PTPRN: variants seen among roughly 807,000 people sequenced by gnomAD.
PTPRN encodes the protein receptor-type tyrosine-protein phosphatase-like N.
Under a neutral mutation model 108.5 loss-of-function variants are expected in PTPRN, and 70 were observed. The observed-to-expected ratio is 0.65, with a 90% CI of 0.53 to 0.79. The LOEUF (loss-of-function observed/expected upper bound fraction) is 0.79, where lower values mean the gene tolerates loss of function less well. Among genes scored for constraint, PTPRN ranks in the 30% least tolerant of loss-of-function variants. The pLI is 0.00. For synonymous variants in PTPRN, 496 were observed against 524.6 expected (o/e 0.95, Z 0.75); for missense variants, 1,136 against 1,295.5 (o/e 0.88, Z 1.89).
chr2:219,291,207 A>G (rs73079150), intron 20 of PTPRN, among the ~76,000 whole-genome samples: 4,368 of 152,252 alleles, frequency 0.029, 219 homozygotes, highest in African/African-American at 0.1. Context: ...GCCTTCAGCC[A>G]GCTTTTTGTG....
At chr2:219,301,796 G>A in intron 6 of PTPRN, 77 bp from the exon 7 acceptor site, 2 of 1,500,334 alleles carry the variant, frequency 1.3e-6, no homozygotes, top group Non-Finnish European at 1.8e-6. Context: ...AGTGAGGGTG[G>A]GAAGGGACTA....
intron 19 of PTPRN, chr2:219,292,282 C>A (rs1952070593): frequency 6.6e-6 from 1 of 152,650 alleles, no homozygotes; most frequent in Non-Finnish European, 1.5e-5. Flanking sequence ...AGACCTTTCT[C>A]CACTGCCCCT....
At position 219,290,676 on chromosome 2, in the gene PTPRN, C is replaced by T. The variant is rs1353439360; in HGVS notation, c.2795-65G>A. ...CCAGAGGAGGACAGGACCCAGAAAACCTGAGGCCTCCTGGAGGCAAAGAGC... is the reference window on the plus strand; with the variant it reads ...CCAGAGGAGGACAGGACCCAGAAAATCTGAGGCCTCCTGGAGGCAAAGAGC... On this transcript the variant is annotated intron_variant, in intron 21 of 22. Transcript: ENST00000295718. This position sits in a 1 kb window ranked among gnomAD's most constrained non-coding sequence, Gnocchi z 4.2. The T allele has an allele frequency of 1.3e-6, 2 of 1,492,688 alleles. No homozygotes were observed. The highest frequency in any genetic ancestry group is 2.8e-5 in the African/African-American group (2 of 71,612). The allele number at this position is 1,492,688 out of a possible 1,614,324, so 92.5% of individuals were successfully genotyped here.
intron 3 of PTPRN, chr2:219,304,183 T>C (rs532186089): frequency 1.8e-5 from 3 of 164,028 alleles, no homozygotes; most frequent in Non-Finnish European, 4.0e-5. Flanking sequence ...ACGGTTAGAA[T>C]AGTGCCTGTC....
In PTPRN at chr2:219,309,049, G is replaced by A. The variant is rs1346778312; in HGVS notation, c.115+169C>T. ...TTCCCAGCCCCACCTCCAGGCCTACGCCCCTTTCCTCCGAGACGCCCTCTC... is the reference window on the plus strand; with the variant it reads ...TTCCCAGCCCCACCTCCAGGCCTACACCCCTTTCCTCCGAGACGCCCTCTC... On this transcript the variant is annotated intron_variant, in intron 1 of 22. Transcript: ENST00000295718. 7.0e-6 allele frequency: 10 copies of A among 1,429,588 alleles called. No individual in the cohort carries two copies. The East Asian group carries it at 2.9e-4, about 42-fold the overall frequency. The allele number at this position is 1,429,588 out of a possible 1,614,324, so 88.6% of individuals were successfully genotyped here.
rs760766774 is a variant in PTPRN, at chr2:219,296,367, A to C, written c.2389-22T>G. On this transcript the variant is annotated intron_variant, in intron 17 of 22. Coordinates refer to ENST00000295718, the MANE Select transcript of PTPRN (RefSeq NM_002846.4). The surrounding 1 kb of genome is among the most constrained non-coding windows in gnomAD (Gnocchi z 6.0). ...CCATCTAGGGACAGAGACCCAGTTG[A>C]GCTCCACTCTAACCTCCCTGGGACC... is the stretch of plus-strand genomic sequence containing the variant. 8.7e-6 allele frequency: 14 copies of C among 1,614,086 alleles called. No individual in the cohort carries two copies. Among genetic ancestry groups the C allele is most frequent in the Non-Finnish European group, 1.2e-5 (14 of 1,180,028 alleles).
At position 219,300,123 on chromosome 2, in the gene PTPRN, G is replaced by A. The variant is rs1302772428; in HGVS notation, c.1298C>T (p.Pro433Leu). The change falls in exon 9 of 23, where the codon CCC (proline) becomes CTC (leucine). Residue 433 changes from proline to leucine, a missense_variant. Physicochemically the swap from Pro to Leu is moderately conservative, Grantham distance 98 (BLOSUM62 -3). Coordinates refer to ENST00000295718, the MANE Select transcript of PTPRN (RefSeq NM_002846.4). ...TGTCACAGGGGGTCTGGCAGCTTTGGGAGGCTCAGAGGAGACAGGGCTTGG... is the reference window on the plus strand; with the variant it reads ...TGTCACAGGGGGTCTGGCAGCTTTGAGAGGCTCAGAGGAGACAGGGCTTGG... ...QVPSPVSSEP[P>L]KAARPPVTPV... The A allele has an allele frequency of 8.1e-6, 13 of 1,613,986 alleles. No homozygotes were observed. The highest frequency in any genetic ancestry group is 1.3e-5 in the African/African-American group (1 of 74,920).
At chr2:219,294,293 G>T (rs1952120799) in intron 19 of PTPRN, 33 of 406,030 alleles carry the variant, frequency 8.1e-5, no homozygotes, top group South Asian at 5.7e-4. Context: ...CAGAGCAGCA[G>T]AGAGAAACTG....
At chr2:219,304,200 T>C (rs779181925) in intron 3 of PTPRN, 1 of 158,764 alleles carries the variant, frequency 6.3e-6, no homozygotes, top group Non-Finnish European at 1.4e-5. Flanking sequence ...TGTCATGTAG[T>C]GAACTTTTAA....
chr2:219,293,165 C>CATTTATTTATTT (rs10571864), intron 19 of PTPRN, among the ~76,000 whole-genome samples: 1 of 149,294 alleles, frequency 6.7e-6, no homozygotes, highest in African/African-American at 2.5e-5. Flanking sequence ...GACCAAACTG[C>CATTTATTTATTT]ATTTATTTAT....
intron 11 of PTPRN, 42 bp from the exon 12 acceptor site, chr2:219,299,153 G>A: frequency 6.2e-7 from 1 of 1,612,574 alleles, no homozygotes; most frequent in Non-Finnish European, 8.5e-7. Flanking sequence ...AGCCCCATGT[G>A]GTCTCCATCC....
chr2:219,301,611 G>A lies in PTPRN; in HGVS notation c.1103C>T (p.Pro368Leu). 6.2e-7 allele frequency: 1 copy of A among 1,612,350 alleles called. No individual in the cohort carries two copies. Among genetic ancestry groups the A allele is most frequent in the Non-Finnish European group, 8.5e-7 (1 of 1,178,534 alleles). The stretch of plus-strand genomic sequence containing the variant: ...ACCCGGATTTCTTCCTGCACCCTTG[G>A]GCAGTAGCTGCAGCAGGGTCAGGAG... ...STLLTLLQLL[P>L]KGAGRNPGGV... The change falls in exon 7 of 23, where the codon CCC becomes CTC. Residue 368 changes from proline (P) to leucine (L), a missense_variant. Coordinates refer to ENST00000295718, the MANE Select transcript of PTPRN (RefSeq NM_002846.4).
chr2:219,293,085 C>T (rs928505293), intron 19 of PTPRN, among the ~76,000 whole-genome samples: 7 of 152,126 alleles, frequency 4.6e-5, no homozygotes, highest in African/African-American at 1.7e-4. Flanking sequence ...TGGAGGGAAG[C>T]CAAGGAACTT....
chr2:219,306,818 C>G (rs971690966), intron 3 of PTPRN, among the ~76,000 whole-genome samples: 2 of 152,200 alleles, frequency 1.3e-5, no homozygotes, highest in Non-Finnish European at 2.9e-5. Flanking sequence ...CTTAAAAAGT[C>G]TGTTCAGATT....
Position 219,297,467 on chromosome 2 carries a change from C to T in PTPRN, c.1888-34G>A. The stretch of plus-strand genomic sequence containing the variant: ...GAAGAATCAGGTGAGGTCCAAGAGT[C>T]CCCTGAAACTTTTCAACAGGGCCCT... On this transcript the variant is annotated intron_variant, in intron 13 of 22. Transcript: ENST00000295718. The surrounding 1 kb of genome is among the most constrained non-coding windows in gnomAD (Gnocchi z 6.0). 2 of 1,606,438 alleles carry T rather than the reference C, an allele frequency of 1.2e-6. No homozygotes were observed. Among genetic ancestry groups the T allele is most frequent in the African/African-American group, 2.7e-5 (2 of 74,870 alleles).
Position 219,296,811 on chromosome 2 carries a change from G to T in PTPRN, c.2248C>A (p.Arg750Ser). 1 of 1,613,970 alleles carries T rather than the reference G, an allele frequency of 6.2e-7. No individual in the cohort carries two copies. Among genetic ancestry groups the T allele is most frequent in the Non-Finnish European group, 8.5e-7 (1 of 1,179,972 alleles). The change falls in exon 16 of 23, where the codon CGC (arginine) becomes AGC (serine). Residue 750 changes from arginine (R) to serine (S), a missense_variant. Arg to Ser is a moderately radical substitution (Grantham distance 110, BLOSUM62 -1). Transcript: ENST00000295718. This position sits in a 1 kb window ranked among gnomAD's most constrained non-coding sequence, Gnocchi z 6.0. ...CTGCTCTCCACCTTCAGTTTTATGC[G>T]GGCATGGTCATCTGCACAGACCCGA... ...HPDFLPYDHA[R>S]IKLKVESSPS...
chr2:219,304,206 T>G (rs1207837715), intron 3 of PTPRN: 1 of 157,800 alleles, frequency 6.3e-6, no homozygotes, highest in Non-Finnish European at 1.4e-5. Context: ...GTAGTGAACT[T>G]TTAACAAATG....
intron 10 of PTPRN, 100 bp from the exon 11 acceptor site, chr2:219,299,484 G>A: frequency 7.2e-7 from 1 of 1,384,190 alleles, no homozygotes; most frequent in Non-Finnish European, 1.0e-6. Context: ...GATGGGGCTG[G>A]AGCAGATCGG....
rs373900188 is a variant in PTPRN at position 219,297,195 on chromosome 2, A to T, written c.2088+38T>A. ...CCAGCCTGGCCTCTCTCACCATCCC[A>T]TTCCTTCACCCACTCTGGGCCCAGG... On this transcript the variant is annotated intron_variant, in intron 14 of 22. Coordinates refer to ENST00000295718, the MANE Select transcript of PTPRN (RefSeq NM_002846.4). The surrounding 1 kb of genome is among the most constrained non-coding windows in gnomAD (Gnocchi z 6.0). The T allele has an allele frequency of 6.2e-7, 1 of 1,610,916 alleles. No homozygotes were observed.
Sources: allele counts gnomAD v4.1 joint callset (sites outside exome capture counted in the v4.1 genomes callset), GRCh38; gene constraint gnomAD v4.1.1; non-coding constraint Gnocchi (gnomAD v3.1); transcripts MANE v1.5; gene names NCBI Gene and HGNC (gene_info 2026-07-23, HGNC 2026-07-21).